Variants in SSH3 observed in about 807,000 individuals in gnomAD.
SSH3 encodes protein phosphatase Slingshot homolog 3.
SSH3 carries 67 observed loss-of-function variants against 75.0 expected under a neutral mutation model. The observed-to-expected ratio is 0.89, with a 90% CI of 0.73 to 1.10. SSH3 has a LOEUF of 1.10. Among genes scored for constraint, SSH3 ranks in the 50% least tolerant of loss-of-function variants. SSH3 has a pLI of 0.00. For missense variants in SSH3, 824 were observed against 872.7 expected (o/e 0.94, Z 0.70); for synonymous variants, 318 against 349.2 (o/e 0.91, Z 1.00).
chr11:67,305,075 G>A (rs1861197374), intron 3 of SSH3, 68 bp downstream of exon 3: 2 of 1,464,530 alleles, frequency 1.4e-6, no homozygotes, highest in East Asian at 2.5e-5. Context: ...ATGGAGCCCT[G>A]TGTATGTGTC....
chr11:67,311,772 A>G lies in SSH3; in HGVS notation c.1865A>G (p.Gln622Arg), dbSNP rs141623342. Residue 622 changes from glutamine to arginine, a missense_variant, in exon 14 of 14, where the codon CAG becomes CGG. Transcript: ENST00000308127. Reference protein sequence around the residue: ...VANRTQAFQEQEQGQGQGQGE... With the variant: ...VANRTQAFQEREQGQGQGQGE... ...AACCGGACCCAGGCCTTCCAGGAGC[A>G]GGAGCAGGGGCAGGGGCAGGGGCAG... 9 of 1,613,654 alleles carry G rather than the reference A, an allele frequency of 5.6e-6. No individual in the cohort carries two copies. In the African/African-American group the frequency reaches 9.3e-5, roughly 17 times the overall value.
At chr11:67,306,775 T>C in intron 3 of SSH3, 63 bp from the exon 4 acceptor site, 7 of 1,525,090 alleles carry the variant, frequency 4.6e-6, no homozygotes, top group South Asian at 1.2e-5. Flanking sequence ...GGGCCTGGGG[T>C]GTCTAGGTGG....
At chr11:67,303,918 C>G (rs964429337) in intron 1 of SSH3, 200 bp from the exon 2 acceptor site, 7 of 801,196 alleles carry the variant, frequency 8.7e-6, no homozygotes, top group Admixed American at 7.2e-5. Context: ...AGCGCGCCCC[C>G]CGCCACACTC....
chr11:67,307,520 G>C lies in SSH3; in HGVS notation c.603-29G>C, dbSNP rs1861279824. 1.2e-6 allele frequency: 2 copies of C among 1,611,220 alleles called. No homozygotes were observed. The highest frequency in any genetic ancestry group is 1.7e-6 in the Non-Finnish European group (2 of 1,178,538). On this transcript the variant is annotated intron_variant, in intron 6 of 13. Transcript: ENST00000308127. This position sits in a 1 kb window ranked among gnomAD's most constrained non-coding sequence, Gnocchi z 4.2. The stretch of plus-strand genomic sequence containing the variant: ...CCTGGGGAAGGGCAGCAAGGGAACA[G>C]TGTGACCCAGCCTCTCCTCCTGTCT...
chr11:67,305,713 G>C (rs1362809703), intron 3 of SSH3, among the ~76,000 whole-genome samples: 2 of 152,160 alleles, frequency 1.3e-5, no homozygotes, highest in Middle Eastern at 3.2e-3. Context: ...CACTGGGGGA[G>C]GGTGTGCTAG....
Position 67,307,129 on chromosome 11 carries a change from T to C in SSH3, c.536+16T>C. The C allele has an allele frequency of 6.2e-7, 1 of 1,612,650 alleles. No individual in the cohort carries two copies. On this transcript the variant is annotated intron_variant, in intron 5 of 13. Coordinates refer to ENST00000308127, the MANE Select transcript of SSH3 (RefSeq NM_017857.4). The surrounding 1 kb of genome is among the most constrained non-coding windows in gnomAD (Gnocchi z 4.2). ...ATGGAGACGGGTAAGCAATGGCAACTGGAGGTGGGGGCTGGAGGGTGGAAT... is the reference window on the plus strand; with the variant it reads ...ATGGAGACGGGTAAGCAATGGCAACCGGAGGTGGGGGCTGGAGGGTGGAAT...
Position 67,310,079 on chromosome 11 carries a change from G to A in SSH3, c.1423G>A (p.Val475Ile). 2 of 1,613,446 alleles carry A rather than the reference G, an allele frequency of 1.2e-6. No homozygotes were observed. Among genetic ancestry groups the A allele is most frequent in the Non-Finnish European group, 1.7e-6 (2 of 1,179,650 alleles). ...ACCTCCTCACAGCCGCCAGAGCCAT[G>A]TCTGGGAGCAGAAAGTGGGTGGGGT... ...GILTASRQSH[V>I]WEQKVGGVSP... The change falls in exon 13 of 14, where the codon GTC becomes ATC. Residue 475 changes from valine to isoleucine, a missense_variant. Coordinates refer to ENST00000308127, the MANE Select transcript of SSH3 (RefSeq NM_017857.4).
rs1435026892 is a variant in SSH3, at chr11:67,311,846, C to T, written c.1939C>T (p.Gln647Ter). 1 of 1,612,726 alleles carries T rather than the reference C, an allele frequency of 6.2e-7. No individual in the cohort carries two copies. The highest frequency in any genetic ancestry group is 2.2e-5 in the East Asian group (1 of 44,884). Residue 647 changes from glutamine (Q) to a stop codon, truncating the protein, a stop_gained, in exon 14 of 14, where the codon CAG becomes TAG. Transcript: ENST00000308127. LOFTEE classifies it high-confidence loss of function. Reference sequence around the variant, plus strand: ...GCCCAGGTTCCGGAAGGTGGTGAGACAGGCCAGCGTGCATGACAGTGGAGA... The same window carrying T: ...GCCCAGGTTCCGGAAGGTGGTGAGATAGGCCAGCGTGCATGACAGTGGAGA... ...STPRFRKVVR[Q>*]ASVHDSGEEG...
At chr11:67,310,449 G>A (rs183024043) in intron 13 of SSH3, 110 bp downstream of exon 13, 73 of 1,391,470 alleles carry the variant, frequency 5.2e-5, no homozygotes, top group African/African-American at 1.0e-4. Context: ...GGGCGTACCC[G>A]GGCTAAGTCT....
In SSH3 at chr11:67,307,777, C is replaced by T; in HGVS notation, c.791+40C>T. 1 of 1,613,664 alleles carries T rather than the reference C, an allele frequency of 6.2e-7. No homozygotes were observed. The highest frequency in any genetic ancestry group is 8.5e-7 in the Non-Finnish European group (1 of 1,179,876). ...GGGAGGGACTGGGTGGAGGGGAAGG[C>T]AGGATAATGCAGTGGGGGGCATGGT... On this transcript the variant is annotated intron_variant, in intron 7 of 13. Transcript: ENST00000308127. This position sits in a 1 kb window ranked among gnomAD's most constrained non-coding sequence, Gnocchi z 4.2.
At position 67,311,643 on chromosome 11, in the gene SSH3, A is replaced by C. The variant is rs903830489; in HGVS notation, c.1736A>C (p.Gln579Pro). 6.2e-7 allele frequency: 1 copy of C among 1,614,076 alleles called. No homozygotes were observed. Among genetic ancestry groups the C allele is most frequent in the Non-Finnish European group, 8.5e-7 (1 of 1,180,004 alleles). Residue 579 changes from glutamine to proline, a missense_variant, in exon 14 of 14, where the codon CAG (glutamine) becomes CCG (proline). Coordinates refer to ENST00000308127, the MANE Select transcript of SSH3 (RefSeq NM_017857.4). ...SHEEPLQPFP[Q>P]LARTKGGQQV... ...GAAGAGCCTCTGCAGCCCTTCCCAC[A>C]GCTTGCAAGGACCAAGGGAGGCCAG...
Position 67,306,865 on chromosome 11 carries a change from C to A in SSH3, c.367C>A (p.Pro123Thr), listed in dbSNP as rs749725324. 5 of 1,613,074 alleles carry A rather than the reference C, an allele frequency of 3.1e-6. No individual in the cohort carries two copies. The highest frequency in any genetic ancestry group is 3.4e-6 in the Non-Finnish European group (4 of 1,179,398). ...LAAQLEAPRP[P>T]RLRYLLVVST... ...AGCCCAGCTGGAGGCACCCCGGCCT[C>A]CCCGGCTCCGCTACCTGCTGGTAGT... Residue 123 changes from proline to threonine, a missense_variant, in exon 4 of 14, where the codon CCC (proline) becomes ACC (threonine). Physicochemically the swap from Pro to Thr is conservative, Grantham distance 38. Coordinates refer to ENST00000308127, the MANE Select transcript of SSH3 (RefSeq NM_017857.4).
chr11:67,304,828 AATG>A lies in SSH3; in HGVS notation c.167_169del (p.Asp56del). ...CCTGGGACTGCAGGATGGAGGGGAC[AATG>A]ATGATGCAGCAGAGGCCAGTTCTGA... On this transcript the variant is annotated inframe_deletion, in exon 3 of 14. Coordinates refer to ENST00000308127, the MANE Select transcript of SSH3 (RefSeq NM_017857.4). The A allele has an allele frequency of 4.3e-6, 7 of 1,613,456 alleles. No homozygotes were observed. Among genetic ancestry groups the A allele is most frequent in the Non-Finnish European group, 5.9e-6 (7 of 1,179,878 alleles).
Position 67,312,078 on chromosome 11 carries a change from C to G in SSH3, c.*191C>G. 1.3e-6 allele frequency: 1 copy of G among 743,494 alleles called. No homozygotes were observed. The highest frequency in any genetic ancestry group is 2.1e-6 in the Non-Finnish European group (1 of 471,748). 46.1% of individuals were successfully genotyped at this position (743,494 alleles called of 1,614,324 possible). On this transcript the variant is annotated 3_prime_UTR_variant, in exon 14 of 14. Coordinates refer to ENST00000308127, the MANE Select transcript of SSH3 (RefSeq NM_017857.4). ...GTCACTACAGCCTCACCTCCTACAGCCTTAAGTCCCAGGCCCATGTCTGCC... is the reference window on the plus strand; with the variant it reads ...GTCACTACAGCCTCACCTCCTACAGGCTTAAGTCCCAGGCCCATGTCTGCC...
chr11:67,305,132 T>C, intron 3 of SSH3, 125 bp downstream of exon 3: 1 of 900,690 alleles, frequency 1.1e-6, no homozygotes, highest in East Asian at 2.6e-5. Flanking sequence ...CTGGGGAGTG[T>C]TGGGGTTACC....
chr11:67,311,591 G>A lies in SSH3; in HGVS notation c.1684G>A (p.Val562Ile). The A allele has an allele frequency of 6.2e-7, 1 of 1,613,960 alleles. No individual in the cohort carries two copies. Among genetic ancestry groups the A allele is most frequent in the South Asian group, 1.1e-5 (1 of 91,084 alleles). The change falls in exon 14 of 14, where the codon GTC (valine) becomes ATC (isoleucine). Residue 562 changes from valine to isoleucine, a missense_variant and splice_region_variant. Coordinates refer to ENST00000308127, the MANE Select transcript of SSH3 (RefSeq NM_017857.4). ...CTTCCGTATCCTCACACCTGTCCAG[G>A]TCTTCTCTTCCCACGAGTCTTCACA... ...STSETSDMPE[V>I]FSSHESSHEE...
At chr11:67,304,657 G>T in intron 2 of SSH3, 116 bp from the exon 3 acceptor site, 2 of 1,041,740 alleles carry the variant, frequency 1.9e-6, no homozygotes, top group Non-Finnish European at 2.8e-6. Context: ...GACCGCGTGG[G>T]GGCCCATGAA....
intron 1 of SSH3, 164 bp downstream of exon 1, chr11:67,303,855 G>T: frequency 1.3e-6 from 1 of 794,192 alleles, no homozygotes; most frequent in South Asian, 2.1e-5. Flanking sequence ...TACTGGCGCC[G>T]GGGCACAATC....
rs1308035586 is a variant in SSH3, at chr11:67,309,046, TG to T, written c.1062-348del. ...ACAGGTACCTGTCATCTGCCCACCA[TG>T]GGCTTCTGGGACCTGCTGTAGCCCC... On this transcript the variant is annotated intron_variant, in intron 10 of 13. Coordinates refer to ENST00000308127, the MANE Select transcript of SSH3 (RefSeq NM_017857.4). Among the ~76,000 whole-genome samples, 180 of 152,192 alleles carry T rather than the reference TG, an allele frequency of 1.2e-3. 4 individuals are homozygous for T. Among genetic ancestry groups the T allele is most frequent in the Admixed American group, 0.011 (175 of 15,288 alleles).
Sources: gnomAD v4.1 joint callset for allele counts (sites outside exome capture counted in the v4.1 genomes callset) on GRCh38, gnomAD v4.1.1 for gene constraint, Gnocchi (gnomAD v3.1) non-coding constraint, MANE v1.5 for transcripts, NCBI Gene and HGNC (gene_info 2026-07-23, HGNC 2026-07-21) for gene names.